The following PYGM variants were observed in gnomAD, a reference collection of about 807,000 sequenced individuals.
PYGM encodes the protein glycogen phosphorylase, muscle form.
PYGM carries 81 observed loss-of-function variants against 99.3 expected under a neutral mutation model. The observed-to-expected ratio is 0.82, with a 90% confidence interval of 0.68 to 0.98. PYGM has a LOEUF of 0.98. Ranked by LOEUF, PYGM falls within the 50% of genes least tolerant of loss-of-function variation. The probability of loss-of-function intolerance (pLI) is 0.00; values close to 1 mark genes in which losing one functional copy is unlikely to be tolerated. For missense variants in PYGM, 1,030 were observed against 1,158.1 expected (o/e 0.89, Z 1.61); for synonymous variants, 436 against 451.5 (o/e 0.97, Z 0.44).
chr11:64,752,977 G>C, intron 12 of PYGM, 96 bp downstream of exon 12: 1 of 1,154,232 alleles, frequency 8.7e-7, no homozygotes, highest in Non-Finnish European at 1.3e-6. Flanking sequence ...GCCTTCAGCT[G>C]GGAGCCCTGA....
chr11:64,752,942 G>A, intron 12 of PYGM, 131 bp downstream of exon 12: 2 of 906,104 alleles, frequency 2.2e-6, no homozygotes, highest in Non-Finnish European at 3.7e-6. Context: ...CGAGGCTTGG[G>A]GAACACAGTG....
chr11:64,757,380 C>A (rs934325595), intron 5 of PYGM, among the ~76,000 whole-genome samples: 1 of 152,196 alleles, frequency 6.6e-6, no homozygotes, highest in Non-Finnish European at 1.5e-5. Context: ...TAGGATCCCT[C>A]TAACTTGCTG....
chr11:64,759,723 G>T lies in PYGM; in HGVS notation c.176C>A (p.Thr59Asn), dbSNP rs754417088. Residue 59 changes from threonine to asparagine, a missense_variant, in exon 1 of 20, where the codon ACC (threonine) becomes AAC (asparagine). Physicochemically the swap from Thr to Asn is moderately conservative, Grantham distance 65. Transcript: ENST00000164139. ...PRDYYFALAH[T>N]VRDHLVGRWI... is the part of the protein sequence containing the mutation. ...GCGCCCCACGAGGTGGTCGCGCACG[G>T]TATGGGCCAGAGCAAAGTAGTAGTC... 1.2e-6 allele frequency: 2 copies of T among 1,614,210 alleles called. No homozygotes were observed. The highest frequency in any genetic ancestry group is 2.2e-5 in the East Asian group (1 of 44,880).
chr11:64,756,363 T>A (rs2058394463), intron 5 of PYGM, among the ~76,000 whole-genome samples: 1 of 152,236 alleles, frequency 6.6e-6, no homozygotes, highest in South Asian at 2.1e-4. Flanking sequence ...AATGCTCAGT[T>A]CTGAAAGCCT....
At position 64,759,739 on chromosome 11, in the gene PYGM, A is replaced by G; in HGVS notation, c.160T>C (p.Phe54Leu). ...TCGCGCACGGTATGGGCCAGAGCAAAGTAGTAGTCTCGTGGGGTGGCCACA... is the reference window on the plus strand; with the variant it reads ...TCGCGCACGGTATGGGCCAGAGCAAGGTAGTAGTCTCGTGGGGTGGCCACA... ...RNVATPRDYYFALAHTVRDHL... is the reference protein window; with the variant it reads ...RNVATPRDYYLALAHTVRDHL... Residue 54 changes from phenylalanine to leucine, a missense_variant, in exon 1 of 20, where the codon TTT becomes CTT. Transcript: ENST00000164139. 1 of 1,614,154 alleles carries G rather than the reference A, an allele frequency of 6.2e-7. No homozygotes were observed. Among genetic ancestry groups the G allele is most frequent in the Non-Finnish European group, 8.5e-7 (1 of 1,180,024 alleles).
In PYGM at chr11:64,753,557, G is replaced by A. The variant is rs1056780; in HGVS notation, c.1365C>T (p.Gly455=). Residue 455 remains glycine, a synonymous_variant, in exon 11 of 20, where the codon GGC becomes GGT. Transcript: ENST00000164139. ...GGATCTCGGAGTGGATGCGCGCCAC[G>A]CCGTTGACGGCGTGCGACCCCGCGA... ...LCIAGSHAVN[G]VARIHSEILK... The A allele has an allele frequency of 5.6e-6, 9 of 1,600,436 alleles. No homozygotes were observed. The highest frequency in any genetic ancestry group is 2.7e-5 in the African/African-American group (2 of 74,748).
At position 64,750,546 on chromosome 11, in the gene PYGM, A is replaced by G. The variant is rs1330878809; in HGVS notation, c.2007T>C (p.Thr669=). Residue 669 remains threonine, a synonymous_variant, in exon 17 of 20, where the codon ACT becomes ACC. Transcript: ENST00000164139. ...PAADLSEQIS[T]AGTEASGTGN... is the part of the protein sequence containing the mutation. ...CGGTGCCTGAGGCTTCAGTGCCCGC[A>G]GTGGAGATCTGCTCAGAGAGGTCTG... is the stretch of plus-strand genomic sequence containing the variant. The G allele has an allele frequency of 3.8e-5, 62 of 1,613,836 alleles. No homozygotes were observed. The highest frequency in any genetic ancestry group is 1.2e-4 in the African/African-American group (9 of 74,862).
intron 4 of PYGM, 57 bp from the exon 5 acceptor site, chr11:64,757,967 G>A: frequency 3.1e-6 from 5 of 1,606,928 alleles, no homozygotes; most frequent in Non-Finnish European, 4.2e-6. Flanking sequence ...GGCACTCACA[G>A]TGCACGGTGG....
intron 12 of PYGM, among the ~76,000 whole-genome samples, chr11:64,752,837 C>G (rs949476866): frequency 1.3e-5 from 2 of 152,244 alleles, no homozygotes; most frequent in Non-Finnish European, 2.9e-5. Context: ...CCATGGATGA[C>G]TCCCTCTGCT....
In PYGM at chr11:64,754,578, C is replaced by T; in HGVS notation, c.999+115G>A. On this transcript the variant is annotated intron_variant, in intron 8 of 19. Coordinates refer to ENST00000164139, the MANE Select transcript of PYGM (RefSeq NM_005609.4). This position sits in a 1 kb window ranked among gnomAD's most constrained non-coding sequence, Gnocchi z 5.5. ...GTGAATCCTGAACAACTGACCCTCCCACACTCCCAGTCTCCACTCCCTTAT... is the reference window on the plus strand; with the variant it reads ...GTGAATCCTGAACAACTGACCCTCCTACACTCCCAGTCTCCACTCCCTTAT... 1.4e-6 allele frequency: 2 copies of T among 1,438,900 alleles called. No homozygotes were observed. The allele number at this position is 1,438,900 out of a possible 1,614,324, so 89.1% of individuals were successfully genotyped here.
upstream of PYGM, chr11:64,760,100 G>C (rs991035895): frequency 5.5e-5 from 45 of 810,932 alleles, no homozygotes; most frequent in Middle Eastern, 3.6e-4. Context: ...GAGGAGAGGA[G>C]AGGGGAGGGA....
intron 11 of PYGM, 124 bp from the exon 12 acceptor site, chr11:64,753,311 G>T: frequency 8.3e-7 from 1 of 1,211,118 alleles, no homozygotes; most frequent in South Asian, 1.2e-5. Context: ...ACCTGGGGAA[G>T]GTTGGGGGTG....
chr11:64,754,450 G>A lies in PYGM; in HGVS notation c.1000-105C>T. On this transcript the variant is annotated intron_variant, in intron 8 of 19. Coordinates refer to ENST00000164139, the MANE Select transcript of PYGM (RefSeq NM_005609.4). The surrounding 1 kb of genome is among the most constrained non-coding windows in gnomAD (Gnocchi z 5.5). ...CCCAGAGAGCCCAGCACGGTTCTGT[G>A]ACTGGGCTGTGGGCAGAGGCAGGCC... 1 of 1,096,406 alleles carries A rather than the reference G, an allele frequency of 9.1e-7. No individual in the cohort carries two copies. The highest frequency in any genetic ancestry group is 1.3e-6 in the Non-Finnish European group (1 of 748,552). The allele number at this position is 1,096,406 out of a possible 1,614,324, so 67.9% of individuals were successfully genotyped here.
rs1555136828 is a variant in PYGM at position 64,759,823 on chromosome 11, TCACGTTCTC to T, written c.67_75del (p.Glu23_Val25del). 6.2e-7 allele frequency: 1 copy of T among 1,614,168 alleles called. No homozygotes were observed. Among genetic ancestry groups the T allele is most frequent in the Non-Finnish European group, 8.5e-7 (1 of 1,180,024 alleles). ...CGGTTGAAGTTCTTTTTCAGCTCAG[TCACGTTCTC>T]CACGCCGGCCAGGCCACGCACACTG... On this transcript the variant is annotated inframe_deletion, in exon 1 of 20. Transcript: ENST00000164139.
intron 1 of PYGM, 35 bp from the exon 2 acceptor site, chr11:64,758,739 C>T: frequency 1.3e-6 from 2 of 1,537,392 alleles, no homozygotes; most frequent in Non-Finnish European, 1.8e-6. Context: ...GGAATGGGGT[C>T]AGGGCCACAC....
Position 64,747,325 on chromosome 11 carries a change from A to G in PYGM, c.2211T>C (p.Pro737=). 1 of 1,614,032 alleles carries G rather than the reference A, an allele frequency of 6.2e-7. No individual in the cohort carries two copies. Among genetic ancestry groups the G allele is most frequent in the Non-Finnish European group, 8.5e-7 (1 of 1,179,848 alleles). ...GCTGCTCAATGACCTGCCGAAGCTC[A>G]GGAATGCGATCGTAGTACTCCTGGG... ...YNAQEYYDRI[P]ELRQVIEQLS... The change falls in exon 18 of 20, where the codon CCT becomes CCC. Residue 737 remains proline (P), a synonymous_variant. Coordinates refer to ENST00000164139, the MANE Select transcript of PYGM (RefSeq NM_005609.4).
upstream of PYGM, among the ~76,000 whole-genome samples, chr11:64,760,606 G>A (rs376438378): frequency 4.6e-5 from 7 of 152,366 alleles, no homozygotes; most frequent in East Asian, 7.7e-4. Context: ...GCGGGAGGCC[G>A]CTAGCCTGCA....
At chr11:64,758,222 C>A in intron 4 of PYGM, 24 bp downstream of exon 4, 2 of 1,588,212 alleles carry the variant, frequency 1.3e-6, no homozygotes, top group Non-Finnish European at 1.7e-6. Flanking sequence ...CTAGACCCCA[C>A]AAGTTAGAGC....
rs759671853 is a variant in PYGM at position 64,746,674 on chromosome 11, C to T, written c.2514G>A (p.Pro838=). ...GTCTGGAGGCTCAGATGGCCTCATCCGGGGCTGGCAGGCGCTGGCGGGAAG... is the reference window on the plus strand; with the variant it reads ...GTCTGGAGGCTCAGATGGCCTCATCTGGGGCTGGCAGGCGCTGGCGGGAAG... The part of the protein sequence containing the change: ...VEPSRQRLPA[P]DEAI The change falls in exon 20 of 20, where the codon CCG becomes CCA. Residue 838 remains proline, a synonymous_variant. Coordinates refer to ENST00000164139, the MANE Select transcript of PYGM (RefSeq NM_005609.4). The T allele has an allele frequency of 2.2e-5, 35 of 1,613,998 alleles. No homozygotes were observed. The highest frequency in any genetic ancestry group is 2.8e-5 in the Non-Finnish European group (33 of 1,180,034).
Sources: allele counts gnomAD v4.1 joint callset (sites outside exome capture counted in the v4.1 genomes callset), GRCh38; gene constraint gnomAD v4.1.1; non-coding constraint Gnocchi (gnomAD v3.1); transcripts MANE v1.5; gene names NCBI Gene and HGNC (gene_info 2026-07-23, HGNC 2026-07-21).